Variants in NUDT9 observed in about 807,000 individuals in gnomAD.
NUDT9 encodes the protein nudix hydrolase 9, also known as ADP-ribose pyrophosphatase.
Under a neutral mutation model 41.0 loss-of-function variants are expected in NUDT9, and 31 were observed. The ratio of observed to expected loss-of-function variants is 0.76; its 90% CI spans 0.57 to 1.02. The LOEUF (loss-of-function observed/expected upper bound fraction) is 1.02. Among genes scored for constraint, NUDT9 ranks in the 50% least tolerant of loss-of-function variants. NUDT9 has a pLI of 0.00. For synonymous variants in NUDT9, 146 were observed against 147.6 expected (o/e 0.99, Z 0.08); for missense variants, 380 against 431.4 (o/e 0.88, Z 1.06).
At chr4:87,450,621 C>T (rs2110188175) in intron 5 of NUDT9, among the ~76,000 whole-genome samples, 1 of 152,004 alleles carries the variant, frequency 6.6e-6, no homozygotes, top group African/African-American at 2.4e-5. Context: ...TCGTGATCCA[C>T]CCACCCTGAC....
chr4:87,457,075 A>G (rs1239691368), intron 7 of NUDT9, among the ~76,000 whole-genome samples: 1 of 152,190 alleles, frequency 6.6e-6, no homozygotes, highest in Non-Finnish European at 1.5e-5. Context: ...ACAGTCTGGC[A>G]CACAAGATGC....
At chr4:87,437,499 C>CAT (rs1721999984) in intron 2 of NUDT9, among the ~76,000 whole-genome samples, 1 of 151,164 alleles carries the variant, frequency 6.6e-6, no homozygotes, top group Admixed American at 6.6e-5. Flanking sequence ...CACCACCATG[C>CAT]CCAGCTAATT....
At chr4:87,449,310 A>G (rs1722609583) in intron 5 of NUDT9, 57 bp downstream of exon 5, 5 of 890,898 alleles carry the variant, frequency 5.6e-6, no homozygotes, top group Admixed American at 1.9e-5. Context: ...TACTTACTAC[A>G]GGGTTATTGT....
At chr4:87,429,314 A>G (rs28439403) in intron 1 of NUDT9, among the ~76,000 whole-genome samples, 101,568 of 151,810 alleles carry the variant, frequency 0.67, 34,633 homozygotes, top group African/African-American at 0.8. Flanking sequence ...ACCATGCCTG[A>G]CTAACTTTTA....
At chr4:87,435,885 T>C (rs1721909260) in intron 2 of NUDT9, among the ~76,000 whole-genome samples, 2 of 152,228 alleles carry the variant, frequency 1.3e-5, no homozygotes, top group Admixed American at 6.5e-5. Context: ...TGTGAAGTGA[T>C]TACAACAATC....
chr4:87,422,803 C>G lies in NUDT9; in HGVS notation c.-103C>G. On this transcript the variant is annotated 5_prime_UTR_variant, in exon 1 of 8. Coordinates refer to ENST00000302174, the MANE Select transcript of NUDT9 (RefSeq NM_024047.5). ...ACCCAACGGCAGACAGGTCCTAGTGCCCATCAGATACCCGCGGCCGGGACT... is the reference window on the plus strand; with the variant it reads ...ACCCAACGGCAGACAGGTCCTAGTGGCCATCAGATACCCGCGGCCGGGACT... 1 of 789,070 alleles carries G rather than the reference C, an allele frequency of 1.3e-6. No homozygotes were observed. The highest frequency in any genetic ancestry group is 2.2e-5 in the Admixed American group (1 of 46,070). The allele number at this position is 789,070 out of a possible 1,614,324, so 48.9% of individuals were successfully genotyped here.
chr4:87,459,241 A>C lies in NUDT9; in HGVS notation c.*1220A>C, dbSNP rs572017445. The C allele has an allele frequency of 2.0e-5, 3 of 152,362 alleles. No individual in the cohort carries two copies. In the East Asian group the frequency reaches 5.8e-4, roughly 29 times the overall value. The allele number at this position is 152,362 out of a possible 1,614,324, so 9.4% of individuals were successfully genotyped here. On this transcript the variant is annotated 3_prime_UTR_variant, in exon 8 of 8. Coordinates refer to ENST00000302174, the MANE Select transcript of NUDT9 (RefSeq NM_024047.5). The stretch of plus-strand genomic sequence containing the variant: ...TCTTATAAGTGAGAGCTAAATGGTG[A>C]GAACACATGGACATGGGAACAACAC...
chr4:87,446,239 T>TA lies in NUDT9; in HGVS notation c.531-2902dup, dbSNP rs1403128327. On this transcript the variant is annotated intron_variant, in intron 4 of 7. Transcript: ENST00000302174. The stretch of plus-strand genomic sequence containing the variant: ...TGAACATAGCCACCATTTGCCTTCT[T>TA]ATCTTTCCTTTTTTTTTTTTTTTTT... Among the ~76,000 whole-genome samples, 4 of 144,368 alleles carry TA rather than the reference T, an allele frequency of 2.8e-5. No homozygotes were observed. In the East Asian group the frequency reaches 8.2e-4, roughly 30 times the overall value. The allele number at this position is 144,368 out of a possible 152,430, so 94.7% of individuals were successfully genotyped here.
chr4:87,455,702 C>T (rs1316441843), intron 7 of NUDT9, among the ~76,000 whole-genome samples: 1 of 149,840 alleles, frequency 6.7e-6, no homozygotes, highest in Non-Finnish European at 1.5e-5. Flanking sequence ...TGCTCTGTCA[C>T]CCACGCTGGA....
chr4:87,448,361 C>G (rs942493055), intron 4 of NUDT9, among the ~76,000 whole-genome samples: 1 of 152,066 alleles, frequency 6.6e-6, no homozygotes, highest in Admixed American at 6.5e-5. Flanking sequence ...CCAGGCTGGT[C>G]TTGAACTGCT....
chr4:87,442,799 C>T (rs780273743), intron 4 of NUDT9, among the ~76,000 whole-genome samples: 1 of 152,170 alleles, frequency 6.6e-6, no homozygotes, highest in Non-Finnish European at 1.5e-5. Flanking sequence ...TGTTTTCCAC[C>T]TCCACATCTT....
chr4:87,431,811 G>A (rs368968032), intron 1 of NUDT9, among the ~76,000 whole-genome samples: 1 of 152,016 alleles, frequency 6.6e-6, no homozygotes, highest in East Asian at 1.9e-4. Context: ...TCAGCTTCTC[G>A]AGTAGCTGGG....
intron 4 of NUDT9, among the ~76,000 whole-genome samples, chr4:87,442,236 G>A (rs544532351): frequency 4.7e-4 from 71 of 152,292 alleles, no homozygotes; most frequent in South Asian, 1.2e-3. Context: ...AGCCTGTACA[G>A]CATGTTACTG....
Position 87,453,503 on chromosome 4 carries a change from C to T in NUDT9, c.790-868C>T, listed in dbSNP as rs1433387109. On this transcript the variant is annotated intron_variant, in intron 6 of 7. Transcript: ENST00000302174. ...GGAGTGCAGTGATGCGATCTCGGCTCACTGCAACCTCTGCCTCACGGGTTC... is the reference window on the plus strand; with the variant it reads ...GGAGTGCAGTGATGCGATCTCGGCTTACTGCAACCTCTGCCTCACGGGTTC... Among the ~76,000 whole-genome samples the T allele has an allele frequency of 3.3e-5, 5 of 152,100 alleles. No individual in the cohort carries two copies. In the East Asian group the frequency reaches 9.7e-4, roughly 29 times the overall value.
intron 3 of NUDT9, among the ~76,000 whole-genome samples, chr4:87,439,923 A>G (rs1284652954): frequency 6.6e-6 from 1 of 152,216 alleles, no homozygotes; most frequent in Non-Finnish European, 1.5e-5. Flanking sequence ...TCATCTTATA[A>G]AAATGTTACA....
chr4:87,454,535 G>T (rs566222056), intron 7 of NUDT9, 80 bp downstream of exon 7: 2 of 940,460 alleles, frequency 2.1e-6, no homozygotes, highest in Admixed American at 1.8e-5. Context: ...ATTAAATCTG[G>T]ACTATTTAGC....
chr4:87,437,249 C>CAAAAAAA (rs776722819), intron 2 of NUDT9, among the ~76,000 whole-genome samples: 2 of 55,606 alleles, frequency 3.6e-5, no homozygotes, highest in Non-Finnish European at 6.8e-5. Flanking sequence ...GACTCCATCT[C>CAAAAAAA]AAAAAAAAAA....
chr4:87,442,803 A>C (rs1486978543), intron 4 of NUDT9, among the ~76,000 whole-genome samples: 1 of 152,132 alleles, frequency 6.6e-6, no homozygotes, highest in Admixed American at 6.6e-5. Context: ...TTCCACCTCC[A>C]CATCTTGTCC....
At chr4:87,447,508 C>G (rs1157306735) in intron 4 of NUDT9, among the ~76,000 whole-genome samples, 2 of 147,548 alleles carry the variant, frequency 1.4e-5, no homozygotes, top group Non-Finnish European at 3.0e-5. Flanking sequence ...TTTGTTTTGC[C>G]TGAGAGATCA....
Sources: gnomAD v4.1 joint callset for allele counts (sites outside exome capture counted in the v4.1 genomes callset) on GRCh38, gnomAD v4.1.1 for gene constraint, MANE v1.5 for transcripts, NCBI Gene and HGNC (gene_info 2026-07-23, HGNC 2026-07-21) for gene names.